STX8: variants seen among roughly 807,000 people sequenced by gnomAD.
The protein encoded by STX8 is syntaxin-8.
STX8 carries 23 observed loss-of-function variants against 37.5 expected under a neutral mutation model. The observed-to-expected ratio is 0.61, with a 90% CI of 0.44 to 0.87. The LOEUF (loss-of-function observed/expected upper bound fraction) is 0.87, where lower values mean the gene tolerates loss of function less well. STX8 is among the 40% of genes least tolerant of loss of function. The probability of loss-of-function intolerance (pLI) is 0.00; values close to 1 mark genes in which losing one functional copy is unlikely to be tolerated. For synonymous variants in STX8, 115 were observed against 99.1 expected, an observed-to-expected ratio of 1.16 and a Z score of -0.95; for missense variants, 313 against 284.7, an observed-to-expected ratio of 1.10 and a Z score of -0.71.
At chr17:9,402,046 T>G (rs1429049960) in intron 6 of STX8, among the ~76,000 whole-genome samples, 1 of 152,146 alleles carries the variant, frequency 6.6e-6, no homozygotes, top group African/African-American at 2.4e-5. Context: ...AGTTGGCCCA[T>G]GTATCTTTGA....
chr17:9,468,044 T>G (rs1905690561), intron 6 of STX8, among the ~76,000 whole-genome samples: 1 of 152,196 alleles, frequency 6.6e-6, no homozygotes, highest in South Asian at 2.1e-4. Context: ...ATATTACACA[T>G]TTTAAATGTA....
intron 7 of STX8, among the ~76,000 whole-genome samples, chr17:9,375,077 A>G (rs1247304698): frequency 6.8e-6 from 1 of 146,624 alleles, no homozygotes; most frequent in Non-Finnish European, 1.5e-5. Context: ...AAAAAAAAAA[A>G]AAAAAAAAAG....
intron 6 of STX8, among the ~76,000 whole-genome samples, chr17:9,487,595 T>C (rs1382756607): frequency 6.6e-6 from 1 of 152,058 alleles, no homozygotes; most frequent in East Asian, 1.9e-4. Flanking sequence ...ACCACCAGCA[T>C]AGCTGCCTTC....
intron 6 of STX8, among the ~76,000 whole-genome samples, chr17:9,478,403 T>TG: frequency 6.6e-6 from 1 of 152,320 alleles, no homozygotes; most frequent in South Asian, 2.1e-4. Context: ...CCCAAAGTGC[T>TG]GGGATTACAG....
chr17:9,363,628 A>G (rs1312081308), intron 7 of STX8, among the ~76,000 whole-genome samples: 5 of 152,234 alleles, frequency 3.3e-5, no homozygotes, highest in Non-Finnish European at 7.3e-5. Context: ...ACAAACATGT[A>G]CACGTACATC....
At chr17:9,429,377 A>T (rs1464555955) in intron 6 of STX8, among the ~76,000 whole-genome samples, 6 of 145,400 alleles carry the variant, frequency 4.1e-5, no homozygotes. Flanking sequence ...ATTTATATAT[A>T]ACATATATTT....
chr17:9,538,811 A>C (rs946745228), intron 4 of STX8, among the ~76,000 whole-genome samples: 3 of 152,126 alleles, frequency 2.0e-5, no homozygotes, highest in African/African-American at 7.2e-5. Context: ...AGCTGAGTTA[A>C]TCACATAATC....
intron 7 of STX8, among the ~76,000 whole-genome samples, chr17:9,358,824 G>C (rs910934526): frequency 6.6e-6 from 1 of 152,166 alleles, no homozygotes; most frequent in South Asian, 2.1e-4. Flanking sequence ...GAGAGAGTAG[G>C]GGGAAAAGAT....
chr17:9,516,610 T>C (rs1905167726), intron 4 of STX8, among the ~76,000 whole-genome samples: 1 of 152,044 alleles, frequency 6.6e-6, no homozygotes, highest in Admixed American at 6.5e-5. Context: ...CATGAGATCA[T>C]AGGTATCCCT....
At chr17:9,396,447 CTGAGGTGGG>C (rs1912405231) in intron 6 of STX8, among the ~76,000 whole-genome samples, 1 of 151,790 alleles carries the variant, frequency 6.6e-6, no homozygotes, top group Non-Finnish European at 1.5e-5. Flanking sequence ...CTTTGGGAGG[CTGAGGTGGG>C]CGGGTCATCT....
At chr17:9,563,155 T>C (rs1162605725) in intron 2 of STX8, among the ~76,000 whole-genome samples, 2 of 51,636 alleles carry the variant, frequency 3.9e-5, no homozygotes, top group African/African-American at 7.9e-5. Flanking sequence ...ATTCATCCAT[T>C]TATTTATTTA....
chr17:9,295,067 G>T (rs150782173), intron 7 of STX8, among the ~76,000 whole-genome samples: 2 of 152,198 alleles, frequency 1.3e-5, no homozygotes, highest in East Asian at 3.8e-4. Context: ...AAGCAACCCC[G>T]CCTGGTATTT....
At chr17:9,272,190 C>G (rs1170297868) in intron 7 of STX8, among the ~76,000 whole-genome samples, 1 of 152,240 alleles carries the variant, frequency 6.6e-6, no homozygotes, top group Non-Finnish European at 1.5e-5. Context: ...AATGACCGCT[C>G]TTGCTTAGAA....
intron 6 of STX8, among the ~76,000 whole-genome samples, chr17:9,400,983 G>A (rs1404631122): frequency 1.3e-5 from 2 of 151,958 alleles, no homozygotes; most frequent in African/African-American, 2.4e-5. Flanking sequence ...ATCTAGACCC[G>A]AACTAGTAGA....
chr17:9,429,348 T>G (rs1264355224), intron 6 of STX8, among the ~76,000 whole-genome samples: 1 of 145,736 alleles, frequency 6.9e-6, no homozygotes, highest in African/African-American at 2.5e-5. Context: ...CATATATTTA[T>G]ATATAATATA....
At chr17:9,504,491 T>C (rs1161813800) in intron 5 of STX8, among the ~76,000 whole-genome samples, 1 of 152,098 alleles carries the variant, frequency 6.6e-6, no homozygotes, top group Non-Finnish European at 1.5e-5. Flanking sequence ...TCAAATTTGC[T>C]TGGACTTAGA....
intron 7 of STX8, among the ~76,000 whole-genome samples, chr17:9,335,660 G>A (rs111861180): frequency 1.9e-3 from 292 of 152,176 alleles, no homozygotes; most frequent in Non-Finnish European, 3.1e-3. Context: ...TTTTTCTACA[G>A]TAAATTGATT....
intron 7 of STX8, among the ~76,000 whole-genome samples, chr17:9,333,899 G>A (rs373092777): frequency 9.9e-5 from 15 of 152,218 alleles, no homozygotes; most frequent in South Asian, 2.1e-4. Context: ...AGACAGAGCC[G>A]ATTTCTCTAG....
intron 6 of STX8, among the ~76,000 whole-genome samples, chr17:9,426,294 A>G (rs9916869): frequency 0.23 from 34,342 of 152,070 alleles, 4,105 homozygotes; most frequent in Middle Eastern, 0.29. Context: ...CGGGAGGCCA[A>G]GGTGGGTGGA....
Sources: gnomAD v4.1 joint callset for allele counts (sites outside exome capture counted in the v4.1 genomes callset) on GRCh38, gnomAD v4.1.1 for gene constraint, MANE v1.5 for transcripts, NCBI Gene and HGNC (gene_info 2026-07-23, HGNC 2026-07-21) for gene names.